Variants in CEP43 observed in about 807,000 individuals in gnomAD.
The protein encoded by CEP43 is FGFR1 oncogene partner.
A neutral mutation model predicts 52.6 loss-of-function variants in CEP43; 36 were observed. The observed-to-expected ratio is 0.68, with a 90% CI of 0.52 to 0.90. The LOEUF (loss-of-function observed/expected upper bound fraction) is 0.90. Among genes scored for constraint, CEP43 ranks in the 40% least tolerant of loss-of-function variants. The probability of loss-of-function intolerance (pLI) is 0.00; values close to 1 mark genes in which losing one functional copy is unlikely to be tolerated. For synonymous variants in CEP43, 192 were observed against 172.4 expected (o/e 1.11, Z -0.89); for missense variants, 506 against 472.8 (o/e 1.07, Z -0.65).
intron 10 of CEP43, among the ~76,000 whole-genome samples, chr6:167,029,847 A>G (rs1477303209): frequency 3.3e-5 from 5 of 152,178 alleles, no homozygotes; most frequent in Non-Finnish European, 7.3e-5. Flanking sequence ...TAGGTGGTGG[A>G]GTTAAGAGCA....
intron 5 of CEP43, among the ~76,000 whole-genome samples, chr6:167,004,998 T>C: frequency 6.6e-6 from 1 of 152,232 alleles, no homozygotes; most frequent in East Asian, 1.9e-4. Flanking sequence ...CTAATGAGAT[T>C]AATGATATAA....
chr6:167,026,369 A>C (rs971851247), intron 9 of CEP43, among the ~76,000 whole-genome samples, 178 bp from the exon 10 acceptor site: 1 of 152,202 alleles, frequency 6.6e-6, no homozygotes, highest in Non-Finnish European at 1.5e-5. Flanking sequence ...GTCTCAAAAA[A>C]AGGGTTGTGA....
chr6:167,040,796 A>G lies in CEP43; in HGVS notation c.*818A>G, dbSNP rs1040403226. 25 of 1,016,758 alleles carry G rather than the reference A, an allele frequency of 2.5e-5. No homozygotes were observed. In the African/African-American group the frequency reaches 3.6e-4, roughly 15 times the overall value. The allele number at this position is 1,016,758 out of a possible 1,614,324, so 63.0% of individuals were successfully genotyped here. Reference sequence around the variant, plus strand: ...GCAGTGCTTTTATTTCAGATCTGTAAGTTAATTGTATTAAAATCCAAATTG... The same window carrying G: ...GCAGTGCTTTTATTTCAGATCTGTAGGTTAATTGTATTAAAATCCAAATTG... On this transcript the variant is annotated 3_prime_UTR_variant, in exon 13 of 13. Transcript: ENST00000366847.
chr6:167,000,733 C>A (rs1195963299), intron 2 of CEP43, among the ~76,000 whole-genome samples: 1 of 152,232 alleles, frequency 6.6e-6, no homozygotes, highest in Non-Finnish European at 1.5e-5. Flanking sequence ...CTAATTTCAT[C>A]AAAATCTTCA....
chr6:167,011,655 C>G (rs563199899), intron 6 of CEP43: 1 of 153,110 alleles, frequency 6.5e-6, no homozygotes, highest in African/African-American at 2.4e-5. Context: ...ATAGATTGGG[C>G]AGCTTACAAA....
Position 167,041,843 on chromosome 6 carries a change from G to GCC in CEP43, c.*1865_*1866insCC. 7.9e-6 allele frequency: 2 copies of GCC among 253,730 alleles called. No individual in the cohort carries two copies. Among genetic ancestry groups the GCC allele is most frequent in the Non-Finnish European group, 1.2e-5 (2 of 170,988 alleles). 15.7% of individuals were successfully genotyped at this position (253,730 alleles called of 1,614,324 possible). On this transcript the variant is annotated 3_prime_UTR_variant, in exon 13 of 13. Coordinates refer to ENST00000366847, the MANE Select transcript of CEP43 (RefSeq NM_007045.4). Reference sequence around the variant, plus strand: ...ATCTTTTTTTTGCGGGGGGCGGGGGGGACAGAGTCTCACTGTGTCACTCAG... The same window carrying GCC: ...ATCTTTTTTTTGCGGGGGGCGGGGGGCCGACAGAGTCTCACTGTGTCACTCAG...
chr6:167,022,297 A>C (rs1053401767), intron 7 of CEP43, 112 bp from the exon 8 acceptor site: 60 of 600,900 alleles, frequency 1.0e-4, no homozygotes, highest in Non-Finnish European at 1.4e-4. Context: ...CACACACACA[A>C]AGGTTGCACA....
chr6:167,003,425 G>C (rs1779782583), intron 3 of CEP43, 178 bp downstream of exon 3: 1 of 501,528 alleles, frequency 2.0e-6, no homozygotes, highest in Admixed American at 3.8e-5. Context: ...TTTGGATTTG[G>C]GATGTTGTTG....
chr6:167,024,888 T>C lies in CEP43; in HGVS notation c.913T>C (p.Ser305Pro). Reference sequence around the variant, plus strand: ...GGCGGGAGCCCCTTCTTTAAAAGACTCTGAGAGTAAGTGCCCAAAGATGTG... The same window carrying C: ...GGCGGGAGCCCCTTCTTTAAAAGACCCTGAGAGTAAGTGCCCAAAGATGTG... ...SLAGAPSLKD[S>P]ESKRGNTVLK... Residue 305 changes from serine to proline, a missense_variant, in exon 9 of 13, where the codon TCT (serine) becomes CCT (proline). Coordinates refer to ENST00000366847, the MANE Select transcript of CEP43 (RefSeq NM_007045.4). 1.3e-6 allele frequency: 2 copies of C among 1,584,976 alleles called. No individual in the cohort carries two copies. Among genetic ancestry groups the C allele is most frequent in the Non-Finnish European group, 1.7e-6 (2 of 1,155,286 alleles).
intron 12 of CEP43, 30 bp downstream of exon 12, chr6:167,034,001 CTTT>C: frequency 6.8e-6 from 6 of 883,226 alleles, no homozygotes; most frequent in Non-Finnish European, 8.3e-6. Context: ...CCATAGAGTG[CTTT>C]TTTTTTTTAA....
At position 166,999,483 on chromosome 6, in the gene CEP43, TG is replaced by T; in HGVS notation, c.73del (p.Glu25ArgfsTer6). 6.7e-7 allele frequency: 1 copy of T among 1,483,904 alleles called. No homozygotes were observed. The highest frequency in any genetic ancestry group is 9.0e-7 in the Non-Finnish European group (1 of 1,115,090). The allele number at this position is 1,483,904 out of a possible 1,614,324, so 91.9% of individuals were successfully genotyped here. On this transcript the variant is annotated frameshift_variant, in exon 1 of 13. Coordinates refer to ENST00000366847, the MANE Select transcript of CEP43 (RefSeq NM_007045.4). LOFTEE classifies it high-confidence loss of function. ...TELRDLLVQT[L>X]ENSGVLNRIK... ...CTGCGGGACCTGCTGGTGCAGACGC[TG>T]GAGAACAGCGGGGTCCTGAACCGCA...
intron 5 of CEP43, among the ~76,000 whole-genome samples, chr6:167,005,806 C>T (rs527674364): frequency 6.6e-6 from 1 of 152,312 alleles, no homozygotes; most frequent in Non-Finnish European, 1.5e-5. Context: ...ATTGGCTTTC[C>T]CCTCTCGGCT....
intron 7 of CEP43, among the ~76,000 whole-genome samples, chr6:167,019,159 C>T (rs1196230135): frequency 6.6e-6 from 1 of 152,042 alleles, no homozygotes; most frequent in Non-Finnish European, 1.5e-5. Flanking sequence ...ATGAAGTGCC[C>T]GTTTTCCACT....
At chr6:167,034,044 A>G (rs1386476068) in intron 12 of CEP43, 73 bp downstream of exon 12, 1 of 625,530 alleles carries the variant, frequency 1.6e-6, no homozygotes, top group Non-Finnish European at 2.8e-6. Flanking sequence ...TAAAGCTTCA[A>G]AATTCATACT....
Position 167,040,595 on chromosome 6 carries a change from T to A in CEP43, c.*617T>A. On this transcript the variant is annotated 3_prime_UTR_variant, in exon 13 of 13. Transcript: ENST00000366847. The stretch of plus-strand genomic sequence containing the variant: ...TGTGTGCTATTTAGTTTTGCTTGTT[T>A]TAAAGAAATCTAGAAGTGGTTATGA... 1 of 1,048,614 alleles carries A rather than the reference T, an allele frequency of 9.5e-7. No homozygotes were observed. Among genetic ancestry groups the A allele is most frequent in the Non-Finnish European group, 1.2e-6 (1 of 866,666 alleles). 65.0% of individuals were successfully genotyped at this position (1,048,614 alleles called of 1,614,324 possible).
At chr6:167,008,123 G>T (rs1779895828) in intron 5 of CEP43, among the ~76,000 whole-genome samples, 3 of 143,984 alleles carry the variant, frequency 2.1e-5, no homozygotes, top group African/African-American at 2.6e-5. Flanking sequence ...AGCCTTATGT[G>T]TTTTTTTTTT....
At chr6:167,013,486 C>A (rs1378930017) in intron 6 of CEP43, 22 bp from the exon 7 acceptor site, 2 of 1,590,932 alleles carry the variant, frequency 1.3e-6, no homozygotes, top group South Asian at 1.1e-5. Context: ...GTGGTAAAAT[C>A]TCATTTTATT....
At chr6:167,028,910 C>G (rs1780409310) in intron 10 of CEP43, among the ~76,000 whole-genome samples, 1 of 152,084 alleles carries the variant, frequency 6.6e-6, no homozygotes. Flanking sequence ...TTTAGTTTGG[C>G]AGACAAATAT....
intron 12 of CEP43, chr6:167,036,432 A>G (rs1780586288): frequency 2.0e-6 from 2 of 985,256 alleles, no homozygotes; most frequent in Non-Finnish European, 2.4e-6. Flanking sequence ...GGCCCTGGGG[A>G]GGGTAGTCTC....
Sources: allele counts gnomAD v4.1 joint callset (sites outside exome capture counted in the v4.1 genomes callset), GRCh38; gene constraint gnomAD v4.1.1; transcripts MANE v1.5; gene names NCBI Gene and HGNC (gene_info 2026-07-23, HGNC 2026-07-21).